Variants in C5orf63 observed in about 807,000 individuals in gnomAD.
C5orf63 encodes the protein chromosome 5 open reading frame 63, also known as glutaredoxin-like protein C5orf63.
In C5orf63, 18 loss-of-function variants were observed where a neutral mutation model predicts 13.3. The observed-to-expected ratio is 1.36, with a 90% CI of 0.94 to 2.01. The LOEUF (loss-of-function observed/expected upper bound fraction) is 2.01. Ranked by LOEUF, C5orf63 falls within the 30% of genes most tolerant of loss-of-function variation. The pLI is 0.00. For synonymous variants in C5orf63, 38 were observed against 44.7 expected (o/e 0.85, Z 0.60); for missense variants, 118 against 127.7 (o/e 0.92, Z 0.36).
At chr5:127,047,816 T>G, downstream of C5orf63, 2 of 703,938 alleles carry the variant, frequency 2.8e-6, no homozygotes, top group East Asian at 2.7e-5. Flanking sequence ...AAAGTTAAGT[T>G]GTATCTTTTC....
At chr5:127,062,606 G>C (rs1754150193) in intron 2 of C5orf63, among the ~76,000 whole-genome samples, 1 of 152,054 alleles carries the variant, frequency 6.6e-6, no homozygotes, top group Non-Finnish European at 1.5e-5. Context: ...ACTTCAATGG[G>C]AACTCTATAA....
chr5:127,052,670 C>A lies in C5orf63; in HGVS notation c.115-1G>T. 6.7e-7 allele frequency: 1 copy of A among 1,487,832 alleles called. No homozygotes were observed. Among genetic ancestry groups the A allele is most frequent in the Non-Finnish European group, 8.8e-7 (1 of 1,129,996 alleles). The allele number at this position is 1,487,832 out of a possible 1,614,324, so 92.2% of individuals were successfully genotyped here. A position where few individuals can be genotyped will look rare whatever the true frequency, so the allele number is the denominator to read the frequency against. The stretch of plus-strand genomic sequence containing the variant: ...CTTCATCACAAAGGGGGCATGGGTC[C>A]TACAGGAAGAAAAAAAACCCAAGCG... On this transcript the variant is annotated splice_acceptor_variant, in intron 3 of 4. Transcript: ENST00000296662. LOFTEE classifies it high-confidence loss of function.
intron 3 of C5orf63, among the ~76,000 whole-genome samples, chr5:127,053,880 G>A (rs1174666709): frequency 2.0e-5 from 3 of 152,154 alleles, no homozygotes; most frequent in African/African-American, 4.8e-5. Context: ...TGTGAACAGT[G>A]TCGCAATAAA....
chr5:127,066,842 G>A (rs1171717499), intron 2 of C5orf63, among the ~76,000 whole-genome samples: 1 of 152,130 alleles, frequency 6.6e-6, no homozygotes, highest in Non-Finnish European at 1.5e-5. Flanking sequence ...GGATCAAGAG[G>A]AACCAGCAAA....
intron 2 of C5orf63, among the ~76,000 whole-genome samples, chr5:127,059,738 A>AAAAAAG (rs200950153): frequency 6.6e-6 from 1 of 151,598 alleles, no homozygotes; most frequent in East Asian, 1.9e-4. Context: ...CAAAAAAAAA[A>AAAAAAG]AAAAAGAAAA....
At chr5:127,047,542 A>G, downstream of C5orf63, 1 of 577,506 alleles carries the variant, frequency 1.7e-6, no homozygotes, top group Non-Finnish European at 3.1e-6. Flanking sequence ...ATTGATGAGT[A>G]AGTTTATTGA....
At chr5:127,043,904 T>C (rs1279506414), downstream of C5orf63, 2 of 152,268 alleles carry the variant, frequency 1.3e-5, no homozygotes, top group Non-Finnish European at 2.9e-5. Flanking sequence ...AAGCGTTTTC[T>C]AAAATTTATT....
chr5:127,048,276 C>G (rs1753569464), downstream of C5orf63, among the ~76,000 whole-genome samples: 1 of 151,790 alleles, frequency 6.6e-6, no homozygotes, highest in Non-Finnish European at 1.5e-5. Context: ...CACACACACA[C>G]ACACACACAC....
chr5:127,052,569 A>T, intron 4 of C5orf63, 44 bp downstream of exon 4: 2 of 1,277,156 alleles, frequency 1.6e-6, no homozygotes, highest in Non-Finnish European at 2.1e-6. Context: ...TACCACATCT[A>T]ATATGCAATC....
chr5:127,043,987 C>T (rs947637853), downstream of C5orf63: 1 of 152,222 alleles, frequency 6.6e-6, no homozygotes, highest in Non-Finnish European at 1.5e-5. Context: ...CCACTGAGGT[C>T]TTCTGTGCAA....
At chr5:127,042,922 T>G (rs1753438759), downstream of C5orf63, 3 of 152,182 alleles carry the variant, frequency 2.0e-5, no homozygotes, top group Admixed American at 2.0e-4. Flanking sequence ...CTAAAAAGTC[T>G]TAAGTAGGGA....
intron 2 of C5orf63, among the ~76,000 whole-genome samples, chr5:127,068,196 C>T (rs1246400474): frequency 6.6e-6 from 1 of 152,152 alleles, no homozygotes; most frequent in Non-Finnish European, 1.5e-5. Flanking sequence ...AAGCATTCTC[C>T]TGATCAGAGA....
intron 2 of C5orf63, among the ~76,000 whole-genome samples, chr5:127,066,899 T>C (rs1754353520): frequency 2.0e-5 from 3 of 152,098 alleles, no homozygotes. Flanking sequence ...ACCTGAAAAG[T>C]GTGTCATCAC....
At chr5:127,065,596 T>C (rs1754302077) in intron 2 of C5orf63, among the ~76,000 whole-genome samples, 1 of 152,114 alleles carries the variant, frequency 6.6e-6, no homozygotes, top group Admixed American at 6.6e-5. Context: ...AAATAAGCTT[T>C]GGAAGGTGGA....
chr5:127,049,999 T>C (rs1753618471), downstream of C5orf63, among the ~76,000 whole-genome samples: 1 of 152,234 alleles, frequency 6.6e-6, no homozygotes, highest in Non-Finnish European at 1.5e-5. Flanking sequence ...GTGGTTCCAC[T>C]AGGCAATTCA....
At chr5:127,043,591 A>C (rs543885121), downstream of C5orf63, 10 of 152,338 alleles carry the variant, frequency 6.6e-5, no homozygotes, top group Non-Finnish European at 1.0e-4. Flanking sequence ...CTCTGACCTT[A>C]AAAGAGTGAA....
At chr5:127,054,176 T>G (rs1011091553) in intron 3 of C5orf63, among the ~76,000 whole-genome samples, 1 of 152,168 alleles carries the variant, frequency 6.6e-6, no homozygotes, top group African/African-American at 2.4e-5. Flanking sequence ...TTTGTTTTGT[T>G]TTTTAGACCT....
intron 3 of C5orf63, 87 bp from the exon 4 acceptor site, chr5:127,052,756 G>A: frequency 1.4e-5 from 13 of 959,122 alleles, no homozygotes; most frequent in East Asian, 3.1e-5. Context: ...AAACCCATAA[G>A]AGGCAGATTA....
Position 127,051,774 on chromosome 5 carries a change from G to C in C5orf63, c.345C>G (p.Gly115=). The change falls in exon 5 of 5, where the codon GGC becomes GGG. Residue 115 remains glycine, a synonymous_variant. Coordinates refer to ENST00000296662, the MANE Select transcript of C5orf63 (RefSeq NM_001164478.2). ...LLKLEQQSTG[G] ...TGGAAAATCATGAGGGCATCAGTCA[G>C]CCTCCAGTACTTTGCTGCTCAAGTT... 1 of 1,505,958 alleles carries C rather than the reference G, an allele frequency of 6.6e-7. No homozygotes were observed. The highest frequency in any genetic ancestry group is 1.4e-5 in the African/African-American group (1 of 71,792). 93.3% of individuals were successfully genotyped at this position (1,505,958 alleles called of 1,614,324 possible). A position where few individuals can be genotyped will look rare whatever the true frequency, so the allele number is the denominator to read the frequency against.
Sources: gnomAD v4.1 joint callset for allele counts (sites outside exome capture counted in the v4.1 genomes callset) on GRCh38, gnomAD v4.1.1 for gene constraint, MANE v1.5 for transcripts, NCBI Gene and HGNC (gene_info 2026-07-23, HGNC 2026-07-21) for gene names.